Variants in SDC2 observed in about 807,000 individuals in gnomAD.
SDC2 encodes syndecan-2.
SDC2 carries 13 observed loss-of-function variants against 22.2 expected under a neutral mutation model. That is an observed-to-expected ratio of 0.59 (90% CI 0.38 to 0.93). The LOEUF (loss-of-function observed/expected upper bound fraction) is 0.93, where lower values mean the gene tolerates loss of function less well. Ranked by LOEUF, SDC2 falls within the 40% of genes least tolerant of loss-of-function variation. SDC2 has a pLI of 0.00. For missense variants in SDC2, 235 were observed against 246.8 expected, an observed-to-expected ratio of 0.95 and a Z score of 0.32; for synonymous variants, 94 against 92.8, an observed-to-expected ratio of 1.01 and a Z score of -0.07.
At chr8:96,526,603 G>A (rs1813582270) in intron 1 of SDC2, among the ~76,000 whole-genome samples, 1 of 152,106 alleles carries the variant, frequency 6.6e-6, no homozygotes, top group Non-Finnish European at 1.5e-5. Context: ...CTGTTGAGGA[G>A]GAAGGAATTG....
At chr8:96,516,427 G>C (rs1813402510) in intron 1 of SDC2, among the ~76,000 whole-genome samples, 1 of 151,866 alleles carries the variant, frequency 6.6e-6, no homozygotes, top group Non-Finnish European at 1.5e-5. Flanking sequence ...TAGCTTTGTT[G>C]AAGTATAATG....
In SDC2 at chr8:96,520,325, C is replaced by A. The variant is rs150321186; in HGVS notation, c.60+25994C>A. Among the ~76,000 whole-genome samples, 511 of 152,208 alleles carry A rather than the reference C, an allele frequency of 3.4e-3. 6 individuals are homozygous for A. Among genetic ancestry groups the A allele is most frequent in the South Asian group, 0.023 (111 of 4,824 alleles). On this transcript the variant is annotated intron_variant, in intron 1 of 4. Coordinates refer to ENST00000302190, the MANE Select transcript of SDC2 (RefSeq NM_002998.4). The stretch of plus-strand genomic sequence containing the variant: ...AAAGGTGGTGACTTTATGGGAACAC[C>A]AGATTAGTATTAGAAATTAGCGTGA...
rs1481198542 is a variant in SDC2, at chr8:96,576,368, G to GTTTTTTTTTTTTTTTTTTTT, written c.61-17107_61-17106insTTTTTTTTTTTTTTTTTTTT. 4.2e-4 allele frequency among the ~76,000 whole-genome samples: 7 copies of GTTTTTTTTTTTTTTTTTTTT among 16,610 alleles called. 1 individual carries two copies. The highest frequency in any genetic ancestry group is 8.7e-4 in the African/African-American group (7 of 8,016). The allele number at this position is 16,610 out of a possible 152,430, so 10.9% of individuals were successfully genotyped here. On this transcript the variant is annotated intron_variant, in intron 1 of 4. Transcript: ENST00000302190. ...ACATAAGTTCAATAATTGGTAGTTT[G>GTTTTTTTTTTTTTTTTTTTT]TTTTTGTTTTGTTTTGTTTTTTTTT...
intron 1 of SDC2, among the ~76,000 whole-genome samples, chr8:96,570,832 A>G (rs1422914795): frequency 6.6e-6 from 1 of 152,200 alleles, no homozygotes; most frequent in African/African-American, 2.4e-5. Flanking sequence ...GCATAAAAGG[A>G]CACTTTTATT....
chr8:96,600,857 T>C (rs1814969673), intron 2 of SDC2, among the ~76,000 whole-genome samples: 1 of 152,166 alleles, frequency 6.6e-6, no homozygotes, highest in Non-Finnish European at 1.5e-5. Context: ...CCACTGGATA[T>C]GTGACTTTGA....
intron 1 of SDC2, among the ~76,000 whole-genome samples, chr8:96,564,462 C>T (rs1814264460): frequency 6.6e-6 from 1 of 152,156 alleles, no homozygotes; most frequent in Non-Finnish European, 1.5e-5. Flanking sequence ...TTTTTCACTT[C>T]TCATTGCACT....
At chr8:96,571,353 AG>A (rs1174472857) in intron 1 of SDC2, among the ~76,000 whole-genome samples, 1 of 152,186 alleles carries the variant, frequency 6.6e-6, no homozygotes, top group Non-Finnish European at 1.5e-5. Flanking sequence ...GTGTATGCTT[AG>A]GGAGGTGGGA....
chr8:96,551,863 A>G (rs1563658403), intron 1 of SDC2, among the ~76,000 whole-genome samples: 1 of 152,178 alleles, frequency 6.6e-6, no homozygotes, highest in South Asian at 2.1e-4. Flanking sequence ...ATTTTCTCAG[A>G]TAATCTCCAT....
chr8:96,520,083 TG>T (rs1282715858), intron 1 of SDC2, among the ~76,000 whole-genome samples: 1 of 152,224 alleles, frequency 6.6e-6, no homozygotes, highest in Non-Finnish European at 1.5e-5. Context: ...CGGGACTTCC[TG>T]GAACAAGATG....
intron 1 of SDC2, 28 bp from the exon 2 acceptor site, chr8:96,593,452 C>G: frequency 6.8e-7 from 1 of 1,480,604 alleles, no homozygotes; most frequent in Non-Finnish European, 9.4e-7. Context: ...CTCTCAACAT[C>G]CTGACTCCCT....
intron 1 of SDC2, among the ~76,000 whole-genome samples, chr8:96,552,709 G>C (rs1051992403): frequency 1.2e-4 from 19 of 152,212 alleles, no homozygotes; most frequent in African/African-American, 4.6e-4. Flanking sequence ...AGGTCATTTT[G>C]TACTATTTTG....
chr8:96,518,544 A>G (rs1301977545), intron 1 of SDC2, among the ~76,000 whole-genome samples: 1 of 152,022 alleles, frequency 6.6e-6, no homozygotes, highest in Non-Finnish European at 1.5e-5. Context: ...TATTTTTAGT[A>G]GAGACAGGTT....
intron 1 of SDC2, among the ~76,000 whole-genome samples, chr8:96,574,103 C>T (rs551191976): frequency 5.3e-5 from 8 of 150,802 alleles, no homozygotes; most frequent in South Asian, 4.3e-4. Flanking sequence ...ATCTTAGCAC[C>T]GTGCACACAC....
intron 1 of SDC2, among the ~76,000 whole-genome samples, chr8:96,506,343 C>G (rs1813238122): frequency 6.6e-6 from 1 of 152,056 alleles, no homozygotes; most frequent in Admixed American, 6.5e-5. Flanking sequence ...TCTCCATATT[C>G]TATAATCTTT....
In SDC2 at chr8:96,494,221, GTTTTGC is replaced by G; in HGVS notation, c.-50_-45del. ...CGCCGAGCGCTGGGCAGGAGGCTTC[GTTTTGC>G]CCTGGTTGCAAGCAGCGGCTGGGAG... On this transcript the variant is annotated 5_prime_UTR_variant, in exon 1 of 5. Transcript: ENST00000302190. 1 of 1,529,978 alleles carries G rather than the reference GTTTTGC, an allele frequency of 6.5e-7. No individual in the cohort carries two copies. Among genetic ancestry groups the G allele is most frequent in the Non-Finnish European group, 8.8e-7 (1 of 1,138,296 alleles). 94.8% of individuals were successfully genotyped at this position (1,529,978 alleles called of 1,614,324 possible).
intron 3 of SDC2, among the ~76,000 whole-genome samples, chr8:96,603,609 C>T (rs933440487): frequency 2.0e-5 from 3 of 152,102 alleles, no homozygotes; most frequent in South Asian, 2.1e-4. Context: ...AGAATCATCC[C>T]GTCTTCAGGC....
chr8:96,575,396 G>T, intron 1 of SDC2, among the ~76,000 whole-genome samples: 1 of 151,270 alleles, frequency 6.6e-6, no homozygotes, highest in East Asian at 2.0e-4. Flanking sequence ...GTGGGGTGGT[G>T]GCGGGGAGAG....
intron 3 of SDC2, among the ~76,000 whole-genome samples, chr8:96,606,266 T>TA (rs1425661506): frequency 2.1e-5 from 3 of 143,986 alleles, no homozygotes; most frequent in Non-Finnish European, 4.7e-5. Context: ...TGGCTAATTT[T>TA]AAAAATTTTT....
chr8:96,543,442 A>G (rs1268331675), intron 1 of SDC2, among the ~76,000 whole-genome samples: 1 of 152,246 alleles, frequency 6.6e-6, no homozygotes, highest in Non-Finnish European at 1.5e-5. Context: ...AGGTAGGACC[A>G]TATTAATTCC....
Sources: allele counts gnomAD v4.1 joint callset (sites outside exome capture counted in the v4.1 genomes callset), GRCh38; gene constraint gnomAD v4.1.1; transcripts MANE v1.5; gene names NCBI Gene and HGNC (gene_info 2026-07-23, HGNC 2026-07-21).